WRNIP1: variants seen among roughly 807,000 people sequenced by gnomAD.
WRNIP1 encodes ATPase WRNIP1.
A neutral mutation model predicts 56.1 loss-of-function variants in WRNIP1; 41 were observed. The observed-to-expected ratio is 0.73, with a 90% CI of 0.57 to 0.95. The LOEUF is 0.95. Ranked by LOEUF, WRNIP1 falls within the 40% of genes least tolerant of loss-of-function variation. The probability of loss-of-function intolerance (pLI) is 0.00; values close to 1 mark genes in which losing one functional copy is unlikely to be tolerated. For missense variants in WRNIP1, 1,170 were observed against 939.4 expected, an observed-to-expected ratio of 1.25 and a Z score of -3.21; for synonymous variants, 547 against 398.1, an observed-to-expected ratio of 1.37 and a Z score of -4.45.
In WRNIP1 at chr6:2,770,290, C is replaced by T. The variant is rs1210125036; in HGVS notation, c.1185C>T (p.Ser395=). Residue 395 remains serine (S), a synonymous_variant, in exon 3 of 7, where the codon TCC becomes TCT. Transcript: ENST00000380773. The stretch of plus-strand genomic sequence containing the variant: ...CTATTTTAATGCGAGCGATCAACTC[C>T]CTGGGAATCCACGTCCTAGACTCTA... ...MVTILMRAIN[S]LGIHVLDSSR... The T allele has an allele frequency of 6.2e-7, 1 of 1,614,138 alleles. No individual in the cohort carries two copies. The highest frequency in any genetic ancestry group is 1.3e-5 in the African/African-American group (1 of 75,024).
chr6:2,778,880 C>T (rs1765492315), intron 3 of WRNIP1, among the ~76,000 whole-genome samples: 1 of 152,216 alleles, frequency 6.6e-6, no homozygotes, highest in Non-Finnish European at 1.5e-5. Flanking sequence ...GCATTTGGAA[C>T]ATGTTTTCCA....
In WRNIP1 at chr6:2,783,572, T is replaced by TGG; in HGVS notation, c.1642+13_1642+14dup. ...CCAGCGAGGACATAGGTGAGTGTGATGGGAGGGTCCCGGAGTCCTATGTCC... is the reference window on the plus strand; with the variant it reads ...CCAGCGAGGACATAGGTGAGTGTGATGGGGGAGGGTCCCGGAGTCCTATGTCC... On this transcript the variant is annotated intron_variant, in intron 5 of 6. Transcript: ENST00000380773. The TGG allele has an allele frequency of 6.8e-7, 1 of 1,474,832 alleles. No homozygotes were observed. Among genetic ancestry groups the TGG allele is most frequent in the Non-Finnish European group, 9.1e-7 (1 of 1,099,274 alleles). 91.4% of individuals were successfully genotyped at this position (1,474,832 alleles called of 1,614,324 possible). A position where few individuals can be genotyped will look rare whatever the true frequency, so the allele number is the denominator to read the frequency against.
chr6:2,781,987 T>A (rs562151639), intron 4 of WRNIP1, among the ~76,000 whole-genome samples: 7 of 152,370 alleles, frequency 4.6e-5, no homozygotes, highest in Admixed American at 1.3e-4. Context: ...ATACTGGTGG[T>A]ATTGCCCCTG....
intron 3 of WRNIP1, among the ~76,000 whole-genome samples, chr6:2,778,875 TG>T (rs1765492246): frequency 6.6e-6 from 1 of 152,248 alleles, no homozygotes; most frequent in African/African-American, 2.4e-5. Context: ...AGGCTGCATT[TG>T]GAACATGTTT....
At position 2,774,475 on chromosome 6, in the gene WRNIP1, T is replaced by C. The variant is rs1304339261; in HGVS notation, c.1256+4114T>C. Among the ~76,000 whole-genome samples, 9 of 152,138 alleles carry C rather than the reference T, an allele frequency of 5.9e-5. No individual in the cohort carries two copies. In the East Asian group the frequency reaches 1.2e-3, roughly 20 times the overall value. On this transcript the variant is annotated intron_variant, in intron 3 of 6. Coordinates refer to ENST00000380773, the MANE Select transcript of WRNIP1 (RefSeq NM_020135.3). ...TACATCCATCTTCACATGGTGGCCT[T>C]CTTCTCTGTGTCCTTACGTCTTCTC...
intron 4 of WRNIP1, among the ~76,000 whole-genome samples, chr6:2,780,052 AT>A (rs1354808819): frequency 6.6e-6 from 1 of 152,244 alleles, no homozygotes; most frequent in Admixed American, 6.5e-5. Context: ...CAGATAGCAG[AT>A]TTGATACCAG....
intron 3 of WRNIP1, among the ~76,000 whole-genome samples, chr6:2,772,209 C>T (rs1384135648): frequency 6.6e-6 from 1 of 152,150 alleles, no homozygotes; most frequent in Non-Finnish European, 1.5e-5. Context: ...TTGAGAAGAT[C>T]AAGTGAAATA....
intron 1 of WRNIP1, among the ~76,000 whole-genome samples, chr6:2,767,498 T>C (rs1260189797): frequency 6.6e-6 from 1 of 152,234 alleles, no homozygotes; most frequent in Non-Finnish European, 1.5e-5. Context: ...GAATTGCCCT[T>C]TTTGTGCCTT....
At position 2,765,817 on chromosome 6, in the gene WRNIP1, G is replaced by A; in HGVS notation, c.195G>A (p.Ser65=). ...HRAGERAKGP[S]PPGAKRRRLS... is the part of the protein sequence containing the mutation. ...CCGGGGAGCGGGCCAAGGGGCCCTC[G>A]CCGCCCGGCGCCAAGAGGCGGCGGC... Residue 65 remains serine (S), a synonymous_variant, in exon 1 of 7, where the codon TCG becomes TCA. Coordinates refer to ENST00000380773, the MANE Select transcript of WRNIP1 (RefSeq NM_020135.3). The A allele has an allele frequency of 4.4e-6, 6 of 1,353,500 alleles. No individual in the cohort carries two copies. In the South Asian group the frequency reaches 7.2e-5, roughly 16 times the overall value. The allele number at this position is 1,353,500 out of a possible 1,614,324, so 83.8% of individuals were successfully genotyped here.
intron 3 of WRNIP1, chr6:2,773,078 A>T: frequency 1.0e-6 from 1 of 985,472 alleles, no homozygotes; most frequent in Non-Finnish European, 1.2e-6. Context: ...AAACTAATCA[A>T]GCTGCCGCTT....
intron 6 of WRNIP1, 148 bp downstream of exon 6, chr6:2,784,551 C>T (rs1476293243): frequency 7.9e-6 from 6 of 762,464 alleles, no homozygotes; most frequent in Admixed American, 2.5e-5. Flanking sequence ...CAATTGTAGA[C>T]TCTTAGACTC....
chr6:2,767,979 C>T (rs1165537595), intron 1 of WRNIP1, among the ~76,000 whole-genome samples: 3 of 152,196 alleles, frequency 2.0e-5, no homozygotes, highest in African/African-American at 7.2e-5. Context: ...TTGTCACAGT[C>T]ATTAAACAGT....
rs761893187 is a variant in WRNIP1, at chr6:2,766,190, G to T, written c.568G>T (p.Asp190Tyr). The change falls in exon 1 of 7, where the codon GAC (aspartate) becomes TAC (tyrosine). Residue 190 changes from aspartate (D) to tyrosine (Y), a missense_variant. By Grantham distance (160) the Asp-to-Tyr change is radical. Coordinates refer to ENST00000380773, the MANE Select transcript of WRNIP1 (RefSeq NM_020135.3). ...ADGEDDPGHWDADAAEAATAF... is the reference protein window; with the variant it reads ...ADGEDDPGHWYADAAEAATAF... ...CGGCGAGGACGACCCGGGGCACTGGGACGCGGACGCTGCCGAAGCCGCCAC... is the reference window on the plus strand; with the variant it reads ...CGGCGAGGACGACCCGGGGCACTGGTACGCGGACGCTGCCGAAGCCGCCAC... 1 of 1,396,334 alleles carries T rather than the reference G, an allele frequency of 7.2e-7. No homozygotes were observed. The highest frequency in any genetic ancestry group is 9.3e-7 in the Non-Finnish European group (1 of 1,076,500). The allele number at this position is 1,396,334 out of a possible 1,614,324, so 86.5% of individuals were successfully genotyped here.
intron 2 of WRNIP1, 58 bp downstream of exon 2, chr6:2,768,940 G>C: frequency 6.6e-7 from 1 of 1,508,388 alleles, no homozygotes; most frequent in East Asian, 2.3e-5. Context: ...TATAAAGTGT[G>C]TGAGATCACT....
chr6:2,766,577 C>T (rs1482909962), intron 1 of WRNIP1, 133 bp downstream of exon 1: 16 of 1,383,474 alleles, frequency 1.2e-5, no homozygotes, highest in Non-Finnish European at 1.4e-5. Context: ...CAGACTTGGG[C>T]TGGGCTGGGG....
At chr6:2,773,235 C>T in intron 3 of WRNIP1, 1 of 985,370 alleles carries the variant, frequency 1.0e-6, no homozygotes, top group Non-Finnish European at 1.2e-6. Context: ...ATTGAAGCTC[C>T]TGCATATGCT....
chr6:2,782,604 C>A (rs1451735997), intron 4 of WRNIP1, among the ~76,000 whole-genome samples: 1 of 152,192 alleles, frequency 6.6e-6, no homozygotes, highest in Non-Finnish European at 1.5e-5. Context: ...GGAGGGTGCC[C>A]CCTCCTTGAA....
rs1660832834 is a variant in WRNIP1, at chr6:2,770,356, C to T, written c.1251C>T (p.Ser417=). Residue 417 remains serine, a synonymous_variant, in exon 3 of 7, where the codon AGC becomes AGT. Transcript: ENST00000380773. ...TDPLSHSSNS[S]SEPAMFIEDK... ...CTCTGAGCCACAGCAGCAACAGCAG[C>T]TCAGAGTAAGTTGACAGTGTGCAGC... 6.2e-7 allele frequency: 1 copy of T among 1,614,028 alleles called. No individual in the cohort carries two copies. Among genetic ancestry groups the T allele is most frequent in the South Asian group, 1.1e-5 (1 of 91,076 alleles).
At chr6:2,772,923 A>G (rs1765341301) in intron 3 of WRNIP1, 1 of 967,598 alleles carries the variant, frequency 1.0e-6, no homozygotes, top group Non-Finnish European at 1.2e-6. Flanking sequence ...CCATATACTT[A>G]CTTTCTCTCT....
Sources: gnomAD v4.1 joint callset for allele counts (sites outside exome capture counted in the v4.1 genomes callset) on GRCh38, gnomAD v4.1.1 for gene constraint, MANE v1.5 for transcripts, NCBI Gene and HGNC (gene_info 2026-07-23, HGNC 2026-07-21) for gene names.